The following RUNX1 variants were observed in gnomAD, a reference collection of about 807,000 sequenced individuals.
RUNX1 encodes RUNX family transcription factor 1, also known as runt-related transcription factor 1.
In RUNX1, 19 loss-of-function variants were observed where a neutral mutation model predicts 42.8. The ratio of observed to expected loss-of-function variants is 0.44; its 90% CI spans 0.31 to 0.65. RUNX1 has a LOEUF of 0.65. Among genes scored for constraint, RUNX1 ranks in the 30% least tolerant of loss-of-function variants. The probability of loss-of-function intolerance (pLI) is 0.07; values close to 1 mark genes in which losing one functional copy is unlikely to be tolerated. For synonymous variants in RUNX1, 271 were observed against 289.4 expected (o/e 0.94, Z 0.64); for missense variants, 528 against 672.0 (o/e 0.79, Z 2.37).
intron 5 of RUNX1, among the ~76,000 whole-genome samples, chr21:34,864,189 C>T (rs1196238122): frequency 6.6e-6 from 1 of 152,240 alleles, no homozygotes; most frequent in African/African-American, 2.4e-5. Flanking sequence ...CCTTCTTGGC[C>T]AGCATCTGCA....
intron 7 of RUNX1, chr21:34,833,078 C>T (rs2057086463): frequency 6.6e-6 from 1 of 152,304 alleles, no homozygotes; most frequent in African/African-American, 2.4e-5. Context: ...GTGGGCATGC[C>T]TTTTGAGAAC....
At chr21:34,818,264 T>C (rs2056859093) in intron 7 of RUNX1, among the ~76,000 whole-genome samples, 1 of 152,226 alleles carries the variant, frequency 6.6e-6, no homozygotes, top group Non-Finnish European at 1.5e-5. Flanking sequence ...ACGAGCTCCT[T>C]GTTCTGCAGT....
chr21:34,976,531 T>C (rs905615929), intron 2 of RUNX1, among the ~76,000 whole-genome samples: 3 of 152,252 alleles, frequency 2.0e-5, no homozygotes, highest in African/African-American at 7.2e-5. Context: ...CCATTGGGAC[T>C]GCATGGTGTA....
chr21:34,963,277 T>C (rs2058694097), intron 2 of RUNX1, among the ~76,000 whole-genome samples: 2 of 152,038 alleles, frequency 1.3e-5, no homozygotes, highest in Admixed American at 1.3e-4. Flanking sequence ...GGGACGAAGG[T>C]GCTGGGTCCA....
Position 34,932,723 on chromosome 21 carries a change from C to G in RUNX1, c.59-39760G>C, listed in dbSNP as rs556660599. ...AAGTTGCCTTCCTTCTAAATTTTAC[C>G]CCTGTTTGTTTCCCCACACTGTCTC... On this transcript the variant is annotated intron_variant, in intron 2 of 8. Coordinates refer to ENST00000675419, the MANE Select transcript of RUNX1 (RefSeq NM_001754.5). Among the ~76,000 whole-genome samples the G allele has an allele frequency of 8.6e-5, 13 of 150,870 alleles. 1 individual carries two copies. Among genetic ancestry groups the G allele is most frequent in the African/African-American group, 2.7e-4 (11 of 40,320 alleles).
chr21:34,905,532 C>T (rs755873563), intron 2 of RUNX1, among the ~76,000 whole-genome samples: 8 of 152,168 alleles, frequency 5.3e-5, no homozygotes, highest in South Asian at 2.1e-4. Context: ...AAAAGACATT[C>T]CTTTAGTGAA....
intron 2 of RUNX1, among the ~76,000 whole-genome samples, chr21:35,040,293 G>GA (rs765278066): frequency 1.3e-5 from 2 of 152,048 alleles, no homozygotes; most frequent in African/African-American, 4.8e-5. Context: ...AACTGCTCCT[G>GA]AAAAAAATGG....
chr21:34,928,962 G>GC (rs1491365732), intron 2 of RUNX1, among the ~76,000 whole-genome samples: 4 of 22,216 alleles, frequency 1.8e-4, no homozygotes, highest in South Asian at 3.4e-3. Flanking sequence ...GATTTTTTTT[G>GC]GGGGGGGGGG....
chr21:34,843,651 G>C lies in RUNX1; in HGVS notation c.614-9050C>G, dbSNP rs2057274985. On this transcript the variant is annotated intron_variant, in intron 6 of 8. Transcript: ENST00000675419. The surrounding 1 kb of genome is among the most constrained non-coding windows in gnomAD (Gnocchi z 4.8). ...CAACAACCAATACAACTTCAAGCCAGAGACGCACACAGGCCTGCCCCTCCC... is the reference window on the plus strand; with the variant it reads ...CAACAACCAATACAACTTCAAGCCACAGACGCACACAGGCCTGCCCCTCCC... Among the ~76,000 whole-genome samples, 1 of 152,156 alleles carries C rather than the reference G, an allele frequency of 6.6e-6. No homozygotes were observed. The highest frequency in any genetic ancestry group is 2.4e-5 in the African/African-American group (1 of 41,434).
At chr21:34,928,823 A>G (rs2058417231) in intron 2 of RUNX1, among the ~76,000 whole-genome samples, 1 of 152,182 alleles carries the variant, frequency 6.6e-6, no homozygotes, top group Admixed American at 6.5e-5. Context: ...GTCAGTGTCC[A>G]TGGTTATCCC....
At chr21:34,941,828 T>TC (rs1485833999) in intron 2 of RUNX1, among the ~76,000 whole-genome samples, 2 of 150,396 alleles carry the variant, frequency 1.3e-5, no homozygotes, top group African/African-American at 4.9e-5. Context: ...TTTATTTTTT[T>TC]CCTTTTTTTT....
At chr21:34,829,410 T>C (rs1365647043) in intron 7 of RUNX1, among the ~76,000 whole-genome samples, 1 of 152,250 alleles carries the variant, frequency 6.6e-6, no homozygotes, top group Non-Finnish European at 1.5e-5. Flanking sequence ...AGTGAATCTC[T>C]GCAGTCATCC....
At chr21:34,913,961 C>T (rs1368225439) in intron 2 of RUNX1, among the ~76,000 whole-genome samples, 2 of 152,134 alleles carry the variant, frequency 1.3e-5, no homozygotes, top group African/African-American at 4.8e-5. Context: ...AATATGGGTT[C>T]CAGTGTGTGT....
chr21:34,937,247 GTTA>G (rs2058492740), intron 2 of RUNX1, among the ~76,000 whole-genome samples: 1 of 139,906 alleles, frequency 7.1e-6, no homozygotes, highest in Admixed American at 7.8e-5. Flanking sequence ...TATTATTATT[GTTA>G]TTGTTACTGT....
intron 2 of RUNX1, among the ~76,000 whole-genome samples, chr21:34,971,200 T>C (rs2058761315): frequency 6.6e-6 from 1 of 152,166 alleles, no homozygotes; most frequent in Admixed American, 6.5e-5. Context: ...AGAAATACAG[T>C]GTTAGATCAG....
At chr21:34,930,703 ACTCTCT>A (rs71841507) in intron 2 of RUNX1, among the ~76,000 whole-genome samples, 51,393 of 148,960 alleles carry the variant, frequency 0.35, 10,010 homozygotes, top group East Asian at 0.55. Context: ...ACACACACAC[ACTCTCT>A]CTCTCTCTCT....
chr21:34,887,825 A>T lies in RUNX1; in HGVS notation c.98-729T>A, dbSNP rs576437157. The T allele has an allele frequency of 6.8e-5, 72 of 1,064,810 alleles. No homozygotes were observed. The Middle Eastern group carries it at 1.3e-3, about 19-fold the overall frequency. 66.0% of individuals were successfully genotyped at this position (1,064,810 alleles called of 1,614,324 possible). A position where few individuals can be genotyped will look rare whatever the true frequency, so the allele number is the denominator to read the frequency against. On this transcript the variant is annotated intron_variant, in intron 3 of 8. Coordinates refer to ENST00000675419, the MANE Select transcript of RUNX1 (RefSeq NM_001754.5). ...TTAAGTAGCCTTGAAAATCAGCTTC[A>T]GTAGTTGGAGCAGTGCTGAGCTAGA...
rs369265871 is a variant in RUNX1 at position 34,871,401 on chromosome 21, T to C, written c.508+9156A>G. Reference sequence around the variant, plus strand: ...AGGGAGCTTAAAGGAAGCAGATGTATACACGGAGAAGGAAAATTAGGCGTG... The same window carrying C: ...AGGGAGCTTAAAGGAAGCAGATGTACACACGGAGAAGGAAAATTAGGCGTG... On this transcript the variant is annotated intron_variant, in intron 5 of 8. Transcript: ENST00000675419. 5.3e-5 allele frequency among the ~76,000 whole-genome samples: 8 copies of C among 152,270 alleles called. No homozygotes were observed. The South Asian group carries it at 8.3e-4, about 16-fold the overall frequency.
intron 6 of RUNX1, among the ~76,000 whole-genome samples, chr21:34,857,794 C>T (rs2057516032): frequency 6.6e-6 from 1 of 152,154 alleles, no homozygotes; most frequent in South Asian, 2.1e-4. Flanking sequence ...GTTACATTAA[C>T]GTAGGAATGT....
Sources: gnomAD v4.1 joint callset for allele counts (sites outside exome capture counted in the v4.1 genomes callset) on GRCh38, gnomAD v4.1.1 for gene constraint, Gnocchi (gnomAD v3.1) non-coding constraint, MANE v1.5 for transcripts, NCBI Gene and HGNC (gene_info 2026-07-23, HGNC 2026-07-21) for gene names.